MCF2L2: variants seen among roughly 807,000 people sequenced by gnomAD.
The protein encoded by MCF2L2 is probable guanine nucleotide exchange factor MCF2L2.
MCF2L2 carries 102 observed loss-of-function variants against 150.2 expected under a neutral mutation model. The observed-to-expected ratio is 0.68, with a 90% CI of 0.58 to 0.80. The LOEUF (loss-of-function observed/expected upper bound fraction) is 0.80. Ranked by LOEUF, MCF2L2 falls within the 30% of genes least tolerant of loss-of-function variation. The pLI is 0.00. For synonymous variants in MCF2L2, 465 were observed against 491.3 expected, an observed-to-expected ratio of 0.95 and a Z score of 0.71; for missense variants, 1,256 against 1,372.8, an observed-to-expected ratio of 0.91 and a Z score of 1.34.
At position 183,270,208 on chromosome 3, in the gene MCF2L2, T is replaced by G; in HGVS notation, c.1862+6664A>C. The G allele has an allele frequency of 6.2e-7, 1 of 1,614,190 alleles. No individual in the cohort carries two copies. The highest frequency in any genetic ancestry group is 1.1e-5 in the South Asian group (1 of 91,078). On this transcript the variant is annotated intron_variant, in intron 15 of 29. Transcript: ENST00000328913. This position sits in a 1 kb window ranked among gnomAD's most constrained non-coding sequence, Gnocchi z 4.5. ...TTTGCCTTAGGAACTCCTAATCCAC[T>G]GGAGGGAGAAGAACTACAAAGAAAA... is the stretch of plus-strand genomic sequence containing the variant.
intron 27 of MCF2L2, among the ~76,000 whole-genome samples, chr3:183,186,593 G>C (rs949959890): frequency 2.6e-5 from 4 of 152,306 alleles, no homozygotes; most frequent in East Asian, 1.9e-4. Flanking sequence ...GAGGTGTGGT[G>C]GTGGGCACCT....
intron 10 of MCF2L2, among the ~76,000 whole-genome samples, chr3:183,303,590 T>G (rs930627096): frequency 6.6e-6 from 1 of 152,164 alleles, no homozygotes; most frequent in African/African-American, 2.4e-5. Flanking sequence ...TCCCAGTCAT[T>G]CACGAAGCCC....
chr3:183,350,354 A>G (rs1478206510), intron 3 of MCF2L2, among the ~76,000 whole-genome samples: 1 of 152,152 alleles, frequency 6.6e-6, no homozygotes, highest in Non-Finnish European at 1.5e-5. Flanking sequence ...GAAAACGTCA[A>G]CTAAACCAAA....
At chr3:183,288,699 C>T (rs1251509574) in intron 14 of MCF2L2, among the ~76,000 whole-genome samples, 2 of 152,106 alleles carry the variant, frequency 1.3e-5, no homozygotes, top group Non-Finnish European at 2.9e-5. Context: ...CCAGACTGGT[C>T]TCAAACTCCT....
In MCF2L2 at chr3:183,309,083, C is replaced by A. The variant is rs980408264; in HGVS notation, c.1113+633G>T. Among the ~76,000 whole-genome samples the A allele has an allele frequency of 3.3e-5, 5 of 152,160 alleles. No individual in the cohort carries two copies. In the South Asian group the frequency reaches 8.3e-4, roughly 25 times the overall value. ...TCATTTCTAAATGCTGACTTGTGTG[C>A]GGATCTGGGACACTGTTTAATTCCA... is the stretch of plus-strand genomic sequence containing the variant. On this transcript the variant is annotated intron_variant, in intron 10 of 29. Transcript: ENST00000328913.
At chr3:183,201,840 G>A (rs1722297698) in intron 25 of MCF2L2, among the ~76,000 whole-genome samples, 1 of 152,206 alleles carries the variant, frequency 6.6e-6, no homozygotes, top group African/African-American at 2.4e-5. Flanking sequence ...ATGAAGGGCT[G>A]TTGAATTTTG....
intron 15 of MCF2L2, among the ~76,000 whole-genome samples, chr3:183,250,351 C>T (rs1205649302): frequency 1.3e-5 from 2 of 152,030 alleles, no homozygotes; most frequent in Non-Finnish European, 1.5e-5. Flanking sequence ...TTTGGGAGGC[C>T]GAGGCGGGCG....
At chr3:183,394,686 ATTG>A (rs1714341812) in intron 1 of MCF2L2, among the ~76,000 whole-genome samples, 1 of 152,266 alleles carries the variant, frequency 6.6e-6, no homozygotes, top group African/African-American at 2.4e-5. Flanking sequence ...AGACAGAATA[ATTG>A]TTTAGAAGGA....
At chr3:183,312,001 C>A (rs1156450747) in intron 7 of MCF2L2, among the ~76,000 whole-genome samples, 1 of 152,130 alleles carries the variant, frequency 6.6e-6, no homozygotes, top group East Asian at 1.9e-4. Context: ...GTATATTTTT[C>A]CTCTTCAAAA....
In MCF2L2 at chr3:183,372,170, C is replaced by G. The variant is rs150519504; in HGVS notation, c.275+7127G>C. Reference sequence around the variant, plus strand: ...CTTCACACTTCATAATAGTAAGAGGCCCAGATTGCACTCACTTCTCTGACG... The same window carrying G: ...CTTCACACTTCATAATAGTAAGAGGGCCAGATTGCACTCACTTCTCTGACG... On this transcript the variant is annotated intron_variant, in intron 3 of 29. Transcript: ENST00000328913. The G allele has an allele frequency of 1.4e-4, 22 of 152,160 alleles. No individual in the cohort carries two copies. In the East Asian group the frequency reaches 4.3e-3, roughly 29 times the overall value. The allele number at this position is 152,160 out of a possible 1,614,324, so 9.4% of individuals were successfully genotyped here.
rs565830629 is a variant in MCF2L2, at chr3:183,212,743, A to G, written c.2496+3226T>C. ...GTCCACACAGAGCCTGAGTCCAGAA[A>G]TGAAAAGCAGAAGCTGTGGGAGCCT... On this transcript the variant is annotated intron_variant, in intron 22 of 29. Transcript: ENST00000328913. Among the ~76,000 whole-genome samples the G allele has an allele frequency of 3.3e-5, 5 of 152,246 alleles. No homozygotes were observed. In the East Asian group the frequency reaches 9.7e-4, roughly 29 times the overall value.
chr3:183,382,321 A>C (rs905856211), intron 2 of MCF2L2, among the ~76,000 whole-genome samples: 2 of 152,114 alleles, frequency 1.3e-5, no homozygotes, highest in Non-Finnish European at 2.9e-5. Context: ...GGCCTCCCTA[A>C]GTGCTGGGAT....
intron 14 of MCF2L2, among the ~76,000 whole-genome samples, chr3:183,284,703 A>G (rs1271006588): frequency 7.7e-6 from 1 of 130,536 alleles, no homozygotes; most frequent in African/African-American, 3.3e-5. Context: ...CTCTGTCTCC[A>G]AAAAAAAAAA....
At chr3:183,191,822 G>C (rs998539911) in intron 27 of MCF2L2, among the ~76,000 whole-genome samples, 2 of 151,956 alleles carry the variant, frequency 1.3e-5, no homozygotes, top group Non-Finnish European at 2.9e-5. Flanking sequence ...TGGGGCCATT[G>C]TTTGTTTATT....
chr3:183,348,212 T>C (rs937618065), intron 3 of MCF2L2, among the ~76,000 whole-genome samples: 1 of 152,128 alleles, frequency 6.6e-6, no homozygotes, highest in Non-Finnish European at 1.5e-5. Context: ...CATAGAATAC[T>C]ATGCAGCCAT....
chr3:183,204,401 A>C (rs1293068090), intron 25 of MCF2L2, among the ~76,000 whole-genome samples: 1 of 152,128 alleles, frequency 6.6e-6, no homozygotes, highest in Non-Finnish European at 1.5e-5. Context: ...ATCACTAGCC[A>C]TGAGGGAAAT....
rs761391017 is a variant in MCF2L2, at chr3:183,400,396, G to A, written c.77-10617C>T. On this transcript the variant is annotated intron_variant, in intron 1 of 29. Transcript: ENST00000328913. ...AGCCTGATGCAACTTCCTACTAAAC[G>A]GTGATAGGCCCTCATCTCTGCCTCT... 23 of 456,044 alleles carry A rather than the reference G, an allele frequency of 5.0e-5. 1 individual carries two copies. Among genetic ancestry groups the A allele is most frequent in the South Asian group, 2.6e-4 (17 of 64,488 alleles). 28.2% of individuals were successfully genotyped at this position (456,044 alleles called of 1,614,324 possible).
intron 4 of MCF2L2, 85 bp downstream of exon 4, chr3:183,341,455 C>A: frequency 9.2e-7 from 1 of 1,090,188 alleles, no homozygotes; most frequent in Non-Finnish European, 1.4e-6. Flanking sequence ...AAAATAATTG[C>A]CTTTTCCCCA....
intron 3 of MCF2L2, among the ~76,000 whole-genome samples, chr3:183,359,844 T>C (rs1577090092): frequency 6.6e-6 from 1 of 152,152 alleles, no homozygotes; most frequent in Non-Finnish European, 1.5e-5. Context: ...TGATGATGAA[T>C]AAGGTGGGGA....
Sources: gnomAD v4.1 joint callset for allele counts (sites outside exome capture counted in the v4.1 genomes callset) on GRCh38, gnomAD v4.1.1 for gene constraint, Gnocchi (gnomAD v3.1) non-coding constraint, MANE v1.5 for transcripts, NCBI Gene and HGNC (gene_info 2026-07-23, HGNC 2026-07-21) for gene names.